Variants in MYO18B observed in about 807,000 individuals in gnomAD.
MYO18B encodes unconventional myosin-XVIIIb.
In MYO18B, 204 loss-of-function variants were observed where a neutral mutation model predicts 273.0. The ratio of observed to expected loss-of-function variants is 0.75; its 90% CI spans 0.67 to 0.84. The LOEUF (loss-of-function observed/expected upper bound fraction) is 0.84, where lower values mean the gene tolerates loss of function less well. Among genes scored for constraint, MYO18B ranks in the 40% least tolerant of loss-of-function variants. The pLI is 0.00. For synonymous variants in MYO18B, 1,330 were observed against 1,305.7 expected (o/e 1.02, Z -0.40); for missense variants, 3,212 against 3,287.6 (o/e 0.98, Z 0.56).
chr22:25,847,295 T>C, intron 19 of MYO18B, 135 bp from the exon 20 acceptor site: 1 of 652,652 alleles, frequency 1.5e-6, no homozygotes, highest in East Asian at 2.7e-5. Context: ...AGGCTGTAGG[T>C]GGGAGCTCCT....
At position 25,851,516 on chromosome 22, in the gene MYO18B, G is replaced by C; in HGVS notation, c.3822G>C (p.Gln1274His). 2 of 1,561,194 alleles carry C rather than the reference G, an allele frequency of 1.3e-6. No individual in the cohort carries two copies. Among genetic ancestry groups the C allele is most frequent in the Non-Finnish European group, 1.7e-6 (2 of 1,152,216 alleles). Reference protein sequence around the residue: ...MGLTRFRRQFQVLDAPLLKKL... With the variant: ...MGLTRFRRQFHVLDAPLLKKL... ...TCACTCGCTTCCGCCGGCAATTCCA[G>C]GTGCTGGACGCTCCACTCCTGAAGA... is the stretch of plus-strand genomic sequence containing the variant. Residue 1274 changes from glutamine (Q) to histidine (H), a missense_variant, in exon 21 of 44, where the codon CAG becomes CAC. Coordinates refer to ENST00000335473, the MANE Select transcript of MYO18B (RefSeq NM_032608.7).
intron 30 of MYO18B, 119 bp downstream of exon 30, chr22:25,902,855 G>T (rs2091966379): frequency 4.3e-6 from 5 of 1,151,786 alleles, no homozygotes; most frequent in Middle Eastern, 4.3e-4. Flanking sequence ...ATCCTGGTCT[G>T]TCAAGCAGCT....
intron 12 of MYO18B, 68 bp downstream of exon 12, chr22:25,798,165 C>A: frequency 6.7e-7 from 1 of 1,500,888 alleles, no homozygotes; most frequent in East Asian, 2.4e-5. Context: ...TGACAAGGCC[C>A]TTCTCTCGGA....
chr22:25,802,388 C>T (rs1319270055), intron 12 of MYO18B, among the ~76,000 whole-genome samples: 1 of 152,098 alleles, frequency 6.6e-6, no homozygotes, highest in Non-Finnish European at 1.5e-5. Context: ...TTTCTCTATG[C>T]AGGCATGATT....
intron 30 of MYO18B, 100 bp downstream of exon 30, chr22:25,902,836 C>G (rs2091965813): frequency 3.0e-6 from 4 of 1,338,184 alleles, no homozygotes; most frequent in Admixed American, 4.7e-5. Flanking sequence ...GAGAAAACTT[C>G]ACAAGGGTAT....
At chr22:25,996,255 T>C (rs767351558) in intron 40 of MYO18B, among the ~76,000 whole-genome samples, 1 of 151,628 alleles carries the variant, frequency 6.6e-6, no homozygotes, top group Non-Finnish European at 1.5e-5. Flanking sequence ...ACCTTGCACA[T>C]AGTAGGGGCT....
At chr22:25,895,073 A>T in intron 27 of MYO18B, 83 bp from the exon 28 acceptor site, 1 of 1,507,178 alleles carries the variant, frequency 6.6e-7, no homozygotes, top group African/African-American at 1.4e-5. Context: ...GCCAAGAGCC[A>T]AGAAAGTGGA....
intron 24 of MYO18B, 104 bp downstream of exon 24, chr22:25,876,436 C>A: frequency 7.7e-7 from 1 of 1,294,334 alleles, no homozygotes; most frequent in Non-Finnish European, 1.0e-6. Flanking sequence ...TGTTCTTGAT[C>A]TAGGAATGCT....
At position 26,003,302 on chromosome 22, in the gene MYO18B, A is replaced by G. The variant is rs771438767; in HGVS notation, c.6325A>G (p.Lys2109Glu). 1.9e-6 allele frequency: 3 copies of G among 1,606,806 alleles called. No individual in the cohort carries two copies. Among genetic ancestry groups the G allele is most frequent in the Non-Finnish European group, 8.5e-7 (1 of 1,176,806 alleles). ...TAVDCGSSGR[K>E]EMDNVSILSS... ...AGTGGATTGTGGCAGCAGCGGCCGA[A>G]AAGAGATGTAAGTTAACCCCAGGTA... The change falls in exon 41 of 44, where the codon AAA (lysine) becomes GAA (glutamate). Residue 2109 changes from lysine (K) to glutamate (E), a missense_variant. Transcript: ENST00000335473.
rs1569224944 is a variant in MYO18B, at chr22:25,948,436, TTCCTTCCTTCCTTCC to T, written c.5748+610_5748+624del. ...CTTCCTTCCTTCCTTCCTTCCTTCCTTCCTTCCTTCCTTCCTTCCTTCCTTCTTTCTTTCTTTCTT... is the reference window on the plus strand; with the variant it reads ...CTTCCTTCCTTCCTTCCTTCCTTCCTTTCCTTCCTTCTTTCTTTCTTTCTT... On this transcript the variant is annotated intron_variant, in intron 36 of 43. Transcript: ENST00000335473. 8.8e-3 allele frequency among the ~76,000 whole-genome samples: 1,196 copies of T among 136,488 alleles called. 16 individuals are homozygous for T. The highest frequency in any genetic ancestry group is 0.012 in the East Asian group (57 of 4,714). The allele number at this position is 136,488 out of a possible 152,430, so 89.5% of individuals were successfully genotyped here. A position where few individuals can be genotyped will look rare whatever the true frequency, so the allele number is the denominator to read the frequency against.
intron 34 of MYO18B, among the ~76,000 whole-genome samples, chr22:25,943,066 A>T (rs376841600): frequency 6.6e-6 from 1 of 152,068 alleles, no homozygotes; most frequent in African/African-American, 2.4e-5. Context: ...GCAGATGGGA[A>T]CTGTGTCATC....
intron 1 of MYO18B, among the ~76,000 whole-genome samples, chr22:25,744,683 G>A (rs916624545): frequency 5.3e-5 from 8 of 152,252 alleles, no homozygotes; most frequent in Admixed American, 2.6e-4. Flanking sequence ...GCAGTGAGCC[G>A]AGATCACGCC....
At chr22:25,944,846 CA>C (rs55989904) in intron 34 of MYO18B, among the ~76,000 whole-genome samples, 2,274 of 75,612 alleles carry the variant, frequency 0.03, 29 homozygotes, top group South Asian at 0.079. Flanking sequence ...GACTCCATCT[CA>C]AAAAAAAAAA....
At chr22:26,052,739 T>C in the MYO18B span, among the ~76,000 whole-genome samples, 74 of 151,932 alleles carry the variant, frequency 4.9e-4, no homozygotes, top group African/African-American at 1.6e-3. Flanking sequence ...TATGGAAGGA[T>C]AAGAGGTATT....
chr22:25,893,781 A>G (rs1358412604), intron 27 of MYO18B, among the ~76,000 whole-genome samples: 1 of 151,170 alleles, frequency 6.6e-6, no homozygotes, highest in Non-Finnish European at 1.5e-5. Flanking sequence ...CCACCCATCC[A>G]CCCATCCACC....
chr22:25,958,964 C>CTTTATGCTGGATA (rs2092885863), intron 39 of MYO18B: 1 of 152,222 alleles, frequency 6.6e-6, no homozygotes, highest in Non-Finnish European at 1.5e-5. Context: ...GTGGGTCAAG[C>CTTTATGCTGGATA]CCTGTGCTTT....
At chr22:25,987,824 C>T (rs568240845) in intron 39 of MYO18B, among the ~76,000 whole-genome samples, 104 of 152,190 alleles carry the variant, frequency 6.8e-4, no homozygotes, top group African/African-American at 2.4e-3. Context: ...TGTTGTTTGT[C>T]TACAGTGTGT....
intron 39 of MYO18B, among the ~76,000 whole-genome samples, chr22:25,958,507 G>A (rs1321946385): frequency 2.0e-5 from 3 of 152,178 alleles, no homozygotes; most frequent in Non-Finnish European, 4.4e-5. Flanking sequence ...TTTCCACTGG[G>A]AGAAGGGAGG....
At position 25,768,743 on chromosome 22, in the gene MYO18B, G is replaced by T. The variant is rs779080120; in HGVS notation, c.827G>T (p.Gly276Val). The change falls in exon 4 of 44, where the codon GGG becomes GTG. Residue 276 changes from glycine to valine, a missense_variant. By Grantham distance (109) the Gly-to-Val change is moderately radical. Transcript: ENST00000335473. Reference protein sequence around the residue: ...TRPQAQGPGEGVRPGKAEKEG... With the variant: ...TRPQAQGPGEVVRPGKAEKEG... ...CCCCAAGCCCAAGGGCCCGGCGAGG[G>T]GGTGCGACCAGGGAAAGCAGAGAAG... The T allele has an allele frequency of 6.2e-7, 1 of 1,603,506 alleles. No individual in the cohort carries two copies. The highest frequency in any genetic ancestry group is 1.1e-5 in the South Asian group (1 of 89,118).
Sources: gnomAD v4.1 joint callset for allele counts (sites outside exome capture counted in the v4.1 genomes callset) on GRCh38, gnomAD v4.1.1 for gene constraint, MANE v1.5 for transcripts, NCBI Gene and HGNC (gene_info 2026-07-23, HGNC 2026-07-21) for gene names.